Variants in SETBP1 observed in about 807,000 individuals in gnomAD.
SETBP1 encodes SET-binding protein.
In SETBP1, 9 loss-of-function variants were observed where a neutral mutation model predicts 101.0. That is an observed-to-expected ratio of 0.09 (90% confidence interval 0.05 to 0.16). The LOEUF is 0.16. SETBP1 is among the 10% of genes least tolerant of loss of function. The pLI is 1.00. For missense variants in SETBP1, 1,858 were observed against 2,033.8 expected, an observed-to-expected ratio of 0.91 and a Z score of 1.66; for synonymous variants, 818 against 788.5, an observed-to-expected ratio of 1.04 and a Z score of -0.63.
chr18:44,759,892 T>C (rs1279078745), intron 2 of SETBP1, among the ~76,000 whole-genome samples: 2 of 152,198 alleles, frequency 1.3e-5, no homozygotes, highest in African/African-American at 4.8e-5. Context: ...GTCTGCATCC[T>C]ATCCTGTACC....
chr18:44,812,652 G>A (rs1157192334), intron 2 of SETBP1, among the ~76,000 whole-genome samples: 1 of 152,146 alleles, frequency 6.6e-6, no homozygotes, highest in Non-Finnish European at 1.5e-5. Context: ...CTCCAGGAGA[G>A]TTGCCTTTTC....
rs139190549 is a variant in SETBP1 at position 44,900,352 on chromosome 18, T to A, written c.540+31069T>A. On this transcript the variant is annotated intron_variant, in intron 3 of 5. Transcript: ENST00000649279. The stretch of plus-strand genomic sequence containing the variant: ...GAAATTCAAGAATGTCAAACTAAAT[T>A]GGAGAACAAACTTAAGAAGAATCCA... Among the ~76,000 whole-genome samples, 717 of 152,268 alleles carry A rather than the reference T, an allele frequency of 4.7e-3. 6 individuals are homozygous for A. The highest frequency in any genetic ancestry group is 0.017 in the African/African-American group (686 of 41,554).
chr18:44,951,564 C>T lies in SETBP1; in HGVS notation c.2224C>T (p.Pro742Ser). The T allele has an allele frequency of 6.2e-7, 1 of 1,614,144 alleles. No homozygotes were observed. The highest frequency in any genetic ancestry group is 8.5e-7 in the Non-Finnish European group (1 of 1,180,040). The part of the protein sequence containing the change: ...RAELPPPSEE[P>S]KTAIKHPRPV... Reference sequence around the variant, plus strand: ...AGAGCTGCCACCCCCATCCGAAGAACCCAAAACAGCCATCAAGCACCCCAG... The same window carrying T: ...AGAGCTGCCACCCCCATCCGAAGAATCCAAAACAGCCATCAAGCACCCCAG... The change falls in exon 4 of 6, where the codon CCC becomes TCC. Residue 742 changes from proline (P) to serine (S), a missense_variant. Pro to Ser is a moderately conservative substitution (Grantham distance 74, BLOSUM62 -1). Transcript: ENST00000649279. The surrounding 1 kb of genome is among the most constrained non-coding windows in gnomAD (Gnocchi z 7.8).
chr18:44,996,288 G>A (rs1311125319), intron 4 of SETBP1, among the ~76,000 whole-genome samples: 5 of 152,198 alleles, frequency 3.3e-5, no homozygotes, highest in Non-Finnish European at 7.4e-5. Flanking sequence ...GAATTACAGA[G>A]ACTAGAGCCT....
At chr18:44,722,706 A>G (rs2069626610) in intron 2 of SETBP1, among the ~76,000 whole-genome samples, 1 of 152,100 alleles carries the variant, frequency 6.6e-6, no homozygotes, top group South Asian at 2.1e-4. Context: ...GGGACTGGTT[A>G]TTGGGTTCTG....
chr18:44,841,860 C>T (rs1301322730), intron 2 of SETBP1, among the ~76,000 whole-genome samples: 2 of 152,274 alleles, frequency 1.3e-5, no homozygotes, highest in Admixed American at 1.3e-4. Context: ...TATATGAGCT[C>T]CCTGTGTGAT....
intron 2 of SETBP1, among the ~76,000 whole-genome samples, chr18:44,842,266 C>T (rs1003238537): frequency 2.0e-5 from 3 of 152,186 alleles, no homozygotes; most frequent in Non-Finnish European, 4.4e-5. Context: ...CCCAGGAGGG[C>T]TGGGACATGT....
chr18:44,951,681 A>C lies in SETBP1; in HGVS notation c.2341A>C (p.Thr781Pro), dbSNP rs1382075763. The C allele has an allele frequency of 6.2e-7, 1 of 1,614,108 alleles. No homozygotes were observed. Among genetic ancestry groups the C allele is most frequent in the Non-Finnish European group, 8.5e-7 (1 of 1,180,024 alleles). ...ACCAGCAGCTATGCACCCACTTTCA[A>C]CACAGTTAGGTGGGTCCAATGGCAA... The part of the protein sequence containing the change: ...SSPAAMHPLS[T>P]QLGGSNGNLS... Residue 781 changes from threonine (T) to proline (P), a missense_variant, in exon 4 of 6, where the codon ACA becomes CCA. Physicochemically the swap from Thr to Pro is conservative, Grantham distance 38 (BLOSUM62 -1). Coordinates refer to ENST00000649279, the MANE Select transcript of SETBP1 (RefSeq NM_015559.3). This position sits in a 1 kb window ranked among gnomAD's most constrained non-coding sequence, Gnocchi z 7.8.
intron 2 of SETBP1, among the ~76,000 whole-genome samples, chr18:44,812,321 A>G (rs1187769313): frequency 6.6e-6 from 1 of 152,174 alleles, no homozygotes; most frequent in African/African-American, 2.4e-5. Flanking sequence ...TTGCAAATTC[A>G]ATAATTTTTT....
chr18:45,050,913 A>G (rs1225660215), intron 5 of SETBP1, among the ~76,000 whole-genome samples: 1 of 152,200 alleles, frequency 6.6e-6, no homozygotes, highest in Non-Finnish European at 1.5e-5. Flanking sequence ...TTGAGAGGAC[A>G]CTTTTTATTT....
intron 2 of SETBP1, among the ~76,000 whole-genome samples, chr18:44,774,216 G>A (rs2070943443): frequency 6.6e-6 from 1 of 152,148 alleles, no homozygotes; most frequent in Non-Finnish European, 1.5e-5. Context: ...TGTACGCATG[G>A]ATCCTGGCAC....
At chr18:44,891,151 A>G (rs1447728714) in intron 3 of SETBP1, among the ~76,000 whole-genome samples, 1 of 152,112 alleles carries the variant, frequency 6.6e-6, no homozygotes, top group Non-Finnish European at 1.5e-5. Flanking sequence ...TCCCTAATAG[A>G]ACCATCAGAT....
At chr18:44,786,379 G>A (rs1443786725) in intron 2 of SETBP1, among the ~76,000 whole-genome samples, 3 of 152,146 alleles carry the variant, frequency 2.0e-5, no homozygotes, top group African/African-American at 7.2e-5. Flanking sequence ...ACACAGAAAT[G>A]CAAATATGTG....
At chr18:44,808,603 A>T (rs139144942) in intron 2 of SETBP1, among the ~76,000 whole-genome samples, 4 of 152,306 alleles carry the variant, frequency 2.6e-5, no homozygotes, top group Non-Finnish European at 5.9e-5. Context: ...CATTGGGGCC[A>T]CTGAGGAGAT....
intron 2 of SETBP1, among the ~76,000 whole-genome samples, chr18:44,702,431 T>A (rs1468461225): frequency 3.3e-5 from 5 of 152,226 alleles, no homozygotes; most frequent in Non-Finnish European, 7.3e-5. Flanking sequence ...TCTGCTATAA[T>A]CTTGGTATAA....
chr18:44,964,591 TAA>T lies in SETBP1; in HGVS notation c.4000+11263_4000+11264del, dbSNP rs67481705. On this transcript the variant is annotated intron_variant, in intron 4 of 5. Transcript: ENST00000649279. ...TTATTTGAAAACGTTTTTATTATCT[TAA>T]AAAAAAAAAAACCCTGTTAATAAAG... 4.9e-3 allele frequency among the ~76,000 whole-genome samples: 716 copies of T among 146,216 alleles called. 4 individuals are homozygous for T. The highest frequency in any genetic ancestry group is 0.018 in the East Asian group (91 of 5,086).
chr18:45,048,917 A>T lies in SETBP1; in HGVS notation c.4171+10262A>T, dbSNP rs577029066. On this transcript the variant is annotated intron_variant, in intron 5 of 5. Coordinates refer to ENST00000649279, the MANE Select transcript of SETBP1 (RefSeq NM_015559.3). ...AACCCGGGAAGCGGAGCTTGCAGTG[A>T]GCCGAGATTGCGCCACTGCAGTCCG... is the stretch of plus-strand genomic sequence containing the variant. Among the ~76,000 whole-genome samples, 27 of 135,796 alleles carry T rather than the reference A, an allele frequency of 2.0e-4. No individual in the cohort carries two copies. In the South Asian group the frequency reaches 6.5e-3, roughly 32 times the overall value. 89.1% of individuals were successfully genotyped at this position (135,796 alleles called of 152,430 possible). A position where few individuals can be genotyped will look rare whatever the true frequency, so the allele number is the denominator to read the frequency against.
intron 2 of SETBP1, among the ~76,000 whole-genome samples, chr18:44,733,697 C>T (rs2144413680): frequency 6.6e-6 from 1 of 152,322 alleles, no homozygotes; most frequent in Admixed American, 6.5e-5. Context: ...AACAAAAACC[C>T]TCTTTCAGTG....
chr18:44,717,999 G>A (rs1242872799), intron 2 of SETBP1, among the ~76,000 whole-genome samples: 1 of 152,152 alleles, frequency 6.6e-6, no homozygotes, highest in African/African-American at 2.4e-5. Flanking sequence ...TATAAGAAAT[G>A]TAGCAACTTT....
Sources: gnomAD v4.1 joint callset for allele counts (sites outside exome capture counted in the v4.1 genomes callset) on GRCh38, gnomAD v4.1.1 for gene constraint, Gnocchi (gnomAD v3.1) non-coding constraint, MANE v1.5 for transcripts, NCBI Gene and HGNC (gene_info 2026-07-23, HGNC 2026-07-21) for gene names.